SORCS1: variants seen among roughly 807,000 people sequenced by gnomAD.
The protein encoded by SORCS1 is sortilin related VPS10 domain containing receptor 1.
In SORCS1, 60 loss-of-function variants were observed where a neutral mutation model predicts 146.1. That is an observed-to-expected ratio of 0.41 (90% CI 0.33 to 0.51). The LOEUF (loss-of-function observed/expected upper bound fraction) is 0.51, where lower values mean the gene tolerates loss of function less well. Among genes scored for constraint, SORCS1 ranks in the 20% least tolerant of loss-of-function variants. The probability of loss-of-function intolerance (pLI) is 0.21; values close to 1 mark genes in which losing one functional copy is unlikely to be tolerated. For missense variants in SORCS1, 1,352 were observed against 1,487.6 expected (o/e 0.91, Z 1.50); for synonymous variants, 637 against 584.0 (o/e 1.09, Z -1.31).
At chr10:106,937,524 G>T (rs1253287651) in intron 2 of SORCS1, among the ~76,000 whole-genome samples, 2 of 151,998 alleles carry the variant, frequency 1.3e-5, no homozygotes, top group Non-Finnish European at 2.9e-5. Flanking sequence ...ATGCTCTCTT[G>T]CCTGCTGCCA....
chr10:106,573,811 T>C lies in SORCS1; in HGVS notation c.*3609A>G, dbSNP rs1339007790. 1 of 152,426 alleles carries C rather than the reference T, an allele frequency of 6.6e-6. No individual in the cohort carries two copies. Among genetic ancestry groups the C allele is most frequent in the African/African-American group, 2.4e-5 (1 of 41,414 alleles). The allele number at this position is 152,426 out of a possible 1,614,324, so 9.4% of individuals were successfully genotyped here. The stretch of plus-strand genomic sequence containing the variant: ...TGGTGTTTACTCTTTCTTATGCAAT[T>C]AGCCTTTATGAAATCCTATACATGC... On this transcript the variant is annotated 3_prime_UTR_variant, in exon 26 of 26. Coordinates refer to ENST00000263054, the MANE Select transcript of SORCS1 (RefSeq NM_052918.5).
At chr10:106,701,789 G>A (rs970512475) in intron 8 of SORCS1, among the ~76,000 whole-genome samples, 3 of 152,216 alleles carry the variant, frequency 2.0e-5, no homozygotes, top group Non-Finnish European at 4.4e-5. Context: ...GAAACTCTGT[G>A]TCTCATAATT....
At chr10:106,959,292 A>T (rs996616613) in intron 1 of SORCS1, among the ~76,000 whole-genome samples, 1 of 152,228 alleles carries the variant, frequency 6.6e-6, no homozygotes, top group Non-Finnish European at 1.5e-5. Flanking sequence ...ATTTGAAAGC[A>T]TATCTGCTTG....
At position 106,579,443 on chromosome 10, in the gene SORCS1, A is replaced by G; in HGVS notation, c.3297T>C (p.Ser1099=). ...APLVDLTPTH[S]GSAMLMLLSV... ...AGAGCAGCATCAGCATGGCAGATCC[A>G]CTGTGGGTTGGAGTGAGGTCCACCA... The change falls in exon 25 of 26, where the codon AGT becomes AGC. Residue 1099 remains serine (S), a synonymous_variant. Transcript: ENST00000263054. The G allele has an allele frequency of 1.2e-6, 2 of 1,613,882 alleles. No homozygotes were observed. The highest frequency in any genetic ancestry group is 1.7e-6 in the Non-Finnish European group (2 of 1,179,946).
chr10:106,709,446 T>G, intron 6 of SORCS1, 105 bp from the exon 7 acceptor site: 1 of 238,334 alleles, frequency 4.2e-6, no homozygotes, highest in Admixed American at 6.0e-5. Flanking sequence ...ATTTCCAATT[T>G]TTTTTTTTTT....
At chr10:106,580,958 G>A (rs1241658330) in intron 24 of SORCS1, among the ~76,000 whole-genome samples, 1 of 152,158 alleles carries the variant, frequency 6.6e-6, no homozygotes, top group Non-Finnish European at 1.5e-5. Context: ...CTTCACCTCA[G>A]TTTTGAAATG....
At chr10:106,887,090 G>C (rs1413871014) in intron 2 of SORCS1, among the ~76,000 whole-genome samples, 1 of 152,150 alleles carries the variant, frequency 6.6e-6, no homozygotes, top group African/African-American at 2.4e-5. Flanking sequence ...CAGAGTACCA[G>C]TGAAAGCACA....
intron 6 of SORCS1, among the ~76,000 whole-genome samples, chr10:106,721,715 T>G (rs1447927182): frequency 1.3e-5 from 2 of 152,228 alleles, no homozygotes; most frequent in Admixed American, 6.5e-5. Context: ...GTATATAATC[T>G]CTGACCCAGG....
chr10:106,765,365 C>T (rs374337795), intron 4 of SORCS1, among the ~76,000 whole-genome samples: 16 of 147,348 alleles, frequency 1.1e-4, no homozygotes, highest in African/African-American at 3.6e-4. Context: ...ATGTTCCTCT[C>T]CTGAAGGGTT....
intron 2 of SORCS1, among the ~76,000 whole-genome samples, chr10:106,936,555 T>C (rs7913724): frequency 2.2e-3 from 331 of 152,308 alleles, no homozygotes; most frequent in African/African-American, 7.7e-3. Flanking sequence ...CATCTGGAGC[T>C]TCAAATATCT....
chr10:106,863,221 T>C (rs1183059696), intron 2 of SORCS1, among the ~76,000 whole-genome samples: 1 of 152,036 alleles, frequency 6.6e-6, no homozygotes, highest in Non-Finnish European at 1.5e-5. Flanking sequence ...AATAAAAATA[T>C]TATATGAAAT....
chr10:106,773,075 C>T (rs1860149731), intron 4 of SORCS1, among the ~76,000 whole-genome samples: 1 of 152,100 alleles, frequency 6.6e-6, no homozygotes, highest in Admixed American at 6.5e-5. Context: ...ATAGGAATTG[C>T]CACCTCAATA....
At chr10:106,886,479 G>A (rs1259212218) in intron 2 of SORCS1, among the ~76,000 whole-genome samples, 3 of 151,828 alleles carry the variant, frequency 2.0e-5, no homozygotes, top group Non-Finnish European at 4.4e-5. Flanking sequence ...TGTTATCTTG[G>A]GTTGAGTGAC....
At chr10:106,847,714 G>A (rs1346731997) in intron 2 of SORCS1, among the ~76,000 whole-genome samples, 2 of 98,706 alleles carry the variant, frequency 2.0e-5, no homozygotes, top group Admixed American at 1.1e-4. Flanking sequence ...TTTCTCTTGT[G>A]GGCATTTAGT....
intron 1 of SORCS1, among the ~76,000 whole-genome samples, chr10:107,090,146 C>T (rs563042185): frequency 6.6e-6 from 1 of 152,328 alleles, no homozygotes; most frequent in South Asian, 2.1e-4. Context: ...TTCTTAATCT[C>T]TTCCCACTCA....
At chr10:107,079,284 C>T (rs1963143430) in intron 1 of SORCS1, among the ~76,000 whole-genome samples, 1 of 152,076 alleles carries the variant, frequency 6.6e-6, no homozygotes, top group South Asian at 2.1e-4. Flanking sequence ...GACATGGTAC[C>T]TTTCACTAAA....
intron 2 of SORCS1, among the ~76,000 whole-genome samples, chr10:106,954,327 A>C (rs1048446444): frequency 1.3e-5 from 2 of 152,228 alleles, no homozygotes; most frequent in African/African-American, 4.8e-5. Context: ...AGAGAAATCT[A>C]TCAGGGAAGT....
chr10:107,000,605 C>CA (rs1217124316), intron 1 of SORCS1, among the ~76,000 whole-genome samples: 3,587 of 75,328 alleles, frequency 0.048, 81 homozygotes, highest in African/African-American at 0.098. Context: ...GACTCCATCT[C>CA]AAAAAAAAAA....
intron 2 of SORCS1, among the ~76,000 whole-genome samples, chr10:106,887,403 G>C (rs1285889302): frequency 1.2e-4 from 19 of 152,158 alleles, no homozygotes; most frequent in Admixed American, 1.1e-3. Context: ...AGATGGATTA[G>C]AGAGTTATCA....
Sources: gnomAD v4.1 joint callset for allele counts (sites outside exome capture counted in the v4.1 genomes callset) on GRCh38, gnomAD v4.1.1 for gene constraint, MANE v1.5 for transcripts, NCBI Gene and HGNC (gene_info 2026-07-23, HGNC 2026-07-21) for gene names.